Variants in ENTREP2 observed in about 807,000 individuals in gnomAD.
ENTREP2 encodes the protein protein ENTREP2.
the ENTREP2 span, among the ~76,000 whole-genome samples, chr15:29,404,533 C>T: frequency 6.6e-6 from 1 of 151,958 alleles, no homozygotes; most frequent in Non-Finnish European, 1.5e-5. Flanking sequence ...GAAGGAACAC[C>T]CTCCTGCCTT....
At chr15:29,236,978 T>C in the ENTREP2 span, among the ~76,000 whole-genome samples, 2 of 152,092 alleles carry the variant, frequency 1.3e-5, no homozygotes, top group African/African-American at 4.8e-5. Flanking sequence ...AAATCCACAA[T>C]AAAATATGTA....
the ENTREP2 span, among the ~76,000 whole-genome samples, chr15:29,223,336 C>T: frequency 6.6e-6 from 1 of 152,172 alleles, no homozygotes; most frequent in South Asian, 2.1e-4. Flanking sequence ...GAGAGTTTGT[C>T]TGGCTTGGCT....
At chr15:29,335,751 C>T in the ENTREP2 span, among the ~76,000 whole-genome samples, 2 of 152,214 alleles carry the variant, frequency 1.3e-5, no homozygotes, top group East Asian at 3.9e-4. Context: ...TGAGAGCTGG[C>T]TCTCCATTGT....
the ENTREP2 span, among the ~76,000 whole-genome samples, chr15:29,601,642 C>T: frequency 2.0e-5 from 3 of 152,192 alleles, no homozygotes; most frequent in African/African-American, 7.2e-5. Context: ...TCTTCTATAA[C>T]TCCATTTACA....
At chr15:29,188,984 C>A in the ENTREP2 span, among the ~76,000 whole-genome samples, 3 of 152,204 alleles carry the variant, frequency 2.0e-5, no homozygotes, top group Non-Finnish European at 4.4e-5. Context: ...GCTCAGGACT[C>A]CCCCAACCTC....
chr15:29,413,731 T>C, the ENTREP2 span, among the ~76,000 whole-genome samples: 1 of 152,090 alleles, frequency 6.6e-6, no homozygotes, highest in African/African-American at 2.4e-5. Context: ...AAAATGACAA[T>C]GTCCCAGGGA....
the ENTREP2 span, among the ~76,000 whole-genome samples, chr15:29,327,132 T>C: frequency 5.9e-5 from 9 of 152,088 alleles, no homozygotes; most frequent in Non-Finnish European, 1.0e-4. Flanking sequence ...ACACAGAATA[T>C]CTTGGTGATT....
At chr15:29,511,696 T>G in the ENTREP2 span, among the ~76,000 whole-genome samples, 2 of 151,422 alleles carry the variant, frequency 1.3e-5, no homozygotes, top group Non-Finnish European at 2.9e-5. Context: ...TGCTTCTGAA[T>G]GATAAAAACT....
chr15:29,444,899 G>T, the ENTREP2 span, among the ~76,000 whole-genome samples: 3 of 152,216 alleles, frequency 2.0e-5, no homozygotes, highest in African/African-American at 7.2e-5. Context: ...TGAGACCCTG[G>T]CTCTAGAAAA....
chr15:29,205,590 C>T, the ENTREP2 span, among the ~76,000 whole-genome samples: 1 of 152,200 alleles, frequency 6.6e-6, no homozygotes, highest in Non-Finnish European at 1.5e-5. Context: ...TGCACCTTTT[C>T]ATGTGCTTAC....
At chr15:29,583,101 G>A in the ENTREP2 span, among the ~76,000 whole-genome samples, 1 of 152,188 alleles carries the variant, frequency 6.6e-6, no homozygotes, top group East Asian at 1.9e-4. Context: ...ACGGCAAAAA[G>A]ACCAGGTGAC....
the ENTREP2 span, among the ~76,000 whole-genome samples, chr15:29,135,484 T>C: frequency 6.6e-6 from 1 of 152,160 alleles, no homozygotes; most frequent in Non-Finnish European, 1.5e-5. The surrounding 1 kb of genome is among the most constrained non-coding windows in gnomAD (Gnocchi z 7.4). Context: ...CCCATCTCTC[T>C]GTCCTGGCTA....
the ENTREP2 span, among the ~76,000 whole-genome samples, chr15:29,451,116 A>G: frequency 6.6e-6 from 1 of 152,178 alleles, no homozygotes; most frequent in African/African-American, 2.4e-5. Context: ...AAAAAAAAAG[A>G]AGTGTTAACA....
At chr15:29,235,081 G>A in the ENTREP2 span, 4 of 1,088,604 alleles carry the variant, frequency 3.7e-6, no homozygotes, top group South Asian at 2.5e-5. Context: ...CCTCCAGCCC[G>A]AGGGACCTTT....
At chr15:29,343,029 G>GGGGA in the ENTREP2 span, among the ~76,000 whole-genome samples, 3 of 129,562 alleles carry the variant, frequency 2.3e-5, no homozygotes, top group East Asian at 2.0e-4. Context: ...AAAAGGAATG[G>GGGGA]GGGGGGTGGT....
At chr15:29,296,036 C>T in the ENTREP2 span, among the ~76,000 whole-genome samples, 1 of 152,176 alleles carries the variant, frequency 6.6e-6, no homozygotes, top group Non-Finnish European at 1.5e-5. Context: ...AGACTGACCT[C>T]CCCTGAGCAA....
the ENTREP2 span, among the ~76,000 whole-genome samples, chr15:29,584,084 A>G: frequency 6.6e-6 from 1 of 152,218 alleles, no homozygotes; most frequent in African/African-American, 2.4e-5. Context: ...TATCAAGAAA[A>G]TGAAAAGACA....
chr15:29,246,975 A>G, the ENTREP2 span, among the ~76,000 whole-genome samples: 19 of 112,910 alleles, frequency 1.7e-4, no homozygotes, highest in East Asian at 1.3e-3. Flanking sequence ...CTGGAAAGGC[A>G]CACACACACA....
At chr15:29,461,457 A>G in the ENTREP2 span, among the ~76,000 whole-genome samples, 1 of 152,068 alleles carries the variant, frequency 6.6e-6, no homozygotes. Context: ...CAGAAAATAA[A>G]ATTTTCCATT....
Sources: allele counts gnomAD v4.1 joint callset (sites outside exome capture counted in the v4.1 genomes callset), GRCh38; gene constraint gnomAD v4.1.1; non-coding constraint Gnocchi (gnomAD v3.1); transcripts MANE v1.5; gene names NCBI Gene and HGNC (gene_info 2026-07-23, HGNC 2026-07-21).